The following RHCE variants were observed in gnomAD, a reference collection of about 807,000 sequenced individuals.
RHCE encodes Rh blood group CcEe antigens.
A neutral mutation model predicts 43.8 loss-of-function variants in RHCE; 22 were observed. The observed-to-expected ratio is 0.50, with a 90% CI of 0.36 to 0.72. RHCE has a LOEUF of 0.72. Ranked by LOEUF, RHCE falls within the 30% of genes least tolerant of loss-of-function variation. The pLI is 0.00. For missense variants in RHCE, 385 were observed against 525.4 expected (o/e 0.73, Z 2.61); for synonymous variants, 156 against 210.7 (o/e 0.74, Z 2.25).
chr1:25,399,379 A>G (rs1646658480), intron 3 of RHCE, among the ~76,000 whole-genome samples: 1 of 152,136 alleles, frequency 6.6e-6, no homozygotes, highest in Admixed American at 6.6e-5. Flanking sequence ...GAGAGGAATT[A>G]TATTTAAGTT....
chr1:25,412,939 G>A (rs538448766), intron 1 of RHCE, among the ~76,000 whole-genome samples: 119 of 152,060 alleles, frequency 7.8e-4, no homozygotes, highest in African/African-American at 2.8e-3. Flanking sequence ...CAGGAGAATC[G>A]CTTGAACCCA....
intron 8 of RHCE, among the ~76,000 whole-genome samples, chr1:25,371,056 G>A (rs1225632551): frequency 3.4e-5 from 5 of 148,720 alleles, no homozygotes; most frequent in East Asian, 2.0e-4. Context: ...ACACCCGGCC[G>A]ATTCTGTAAA....
At chr1:25,415,216 C>A (rs1252910126) in intron 1 of RHCE, among the ~76,000 whole-genome samples, 3 of 152,168 alleles carry the variant, frequency 2.0e-5, no homozygotes, top group Non-Finnish European at 4.4e-5. Flanking sequence ...CCCTGCCCAT[C>A]TGGTCTCATC....
At chr1:25,401,927 A>C (rs1336008831) in intron 3 of RHCE, among the ~76,000 whole-genome samples, 1 of 151,696 alleles carries the variant, frequency 6.6e-6, no homozygotes, top group Non-Finnish European at 1.5e-5. Flanking sequence ...CCCAGGCTGC[A>C]GTGCAATGGC....
At chr1:25,411,714 T>C (rs1176057681) in intron 1 of RHCE, among the ~76,000 whole-genome samples, 1 of 152,096 alleles carries the variant, frequency 6.6e-6, no homozygotes, top group African/African-American at 2.4e-5. Flanking sequence ...CCAGGGGACA[T>C]TTTCTACAGG....
At position 25,420,665 on chromosome 1, in the gene RHCE, T is replaced by C. The variant is rs138268848; in HGVS notation, c.122A>G (p.Gln41Arg). The C allele has an allele frequency of 0.011, 17,600 of 1,613,802 alleles. 149 individuals are homozygous for C. The highest frequency in any genetic ancestry group is 0.012 in the Non-Finnish European group (14,166 of 1,179,828). ...FTHYDASLED[Q>R]KGLVASYQVG... ...TTGATAGGATGCCACGAGCCCCTTT[T>C]GATCCTCTAAGGAAGCGTCATAGTG... The change falls in exon 1 of 10, where the codon CAA (glutamine) becomes CGA (arginine). Residue 41 changes from glutamine to arginine, a missense_variant. Physicochemically the swap from Gln to Arg is conservative, Grantham distance 43 (BLOSUM62 1). Coordinates refer to ENST00000294413, the MANE Select transcript of RHCE (RefSeq NM_020485.8).
At chr1:25,393,996 T>G (rs1646462506) in intron 3 of RHCE, among the ~76,000 whole-genome samples, 1 of 152,122 alleles carries the variant, frequency 6.6e-6, no homozygotes, top group African/African-American at 2.4e-5. Context: ...ATTTATTTAT[T>G]TATTTATTTT....
intron 3 of RHCE, among the ~76,000 whole-genome samples, chr1:25,394,663 A>G (rs669063): frequency 0.44 from 66,323 of 152,044 alleles, 15,773 homozygotes; most frequent in Non-Finnish European, 0.54. Flanking sequence ...AGTGCCTGGT[A>G]TATAGTAAAT....
At chr1:25,425,956 G>A (rs915472890) in intron 2 of RHCE, among the ~76,000 whole-genome samples, 3 of 152,218 alleles carry the variant, frequency 2.0e-5, no homozygotes, top group African/African-American at 7.2e-5. Flanking sequence ...TTGGAGTTAG[G>A]CAACCTGGTT....
chr1:25,427,381 T>TC (rs775667348), intron 2 of RHCE, among the ~76,000 whole-genome samples: 3 of 152,222 alleles, frequency 2.0e-5, no homozygotes, highest in Non-Finnish European at 4.4e-5. Flanking sequence ...GCAAATTACT[T>TC]CCCTTCCTTG....
At chr1:25,385,614 C>G in intron 7 of RHCE, 97 bp downstream of exon 7, 1 of 1,554,970 alleles carries the variant, frequency 6.4e-7, no homozygotes, top group East Asian at 2.2e-5. Context: ...GAGCACCTGG[C>G]CCCGAGTGCA....
upstream of RHCE, among the ~76,000 whole-genome samples, chr1:25,425,171 A>G (rs542440705): frequency 2.5e-4 from 38 of 152,340 alleles, no homozygotes; most frequent in African/African-American, 8.2e-4. Flanking sequence ...ACATAAAGAC[A>G]GGGACTTTTG....
intron 3 of RHCE, among the ~76,000 whole-genome samples, chr1:25,401,634 T>C (rs1412330960): frequency 3.3e-5 from 5 of 152,230 alleles, no homozygotes; most frequent in African/African-American, 1.2e-4. Flanking sequence ...CATGTGCAGT[T>C]ACTGACACGC....
intron 1 of RHCE, among the ~76,000 whole-genome samples, chr1:25,429,766 T>C (rs1207866352): frequency 2.6e-5 from 4 of 152,136 alleles, no homozygotes; most frequent in Non-Finnish European, 5.9e-5. Context: ...GACTCATTGG[T>C]GTTTTTTCCT....
chr1:25,368,560 CT>C (rs1645500890), intron 9 of RHCE, among the ~76,000 whole-genome samples: 1 of 150,632 alleles, frequency 6.6e-6, no homozygotes, highest in Non-Finnish European at 1.5e-5. Flanking sequence ...TGTTTTACTT[CT>C]GTAAGATTGC....
At position 25,385,902 on chromosome 1, in the gene RHCE, C is replaced by T. The variant is rs867798582; in HGVS notation, c.940-58G>A. On this transcript the variant is annotated intron_variant, in intron 6 of 9. Coordinates refer to ENST00000294413, the MANE Select transcript of RHCE (RefSeq NM_020485.8). ...AGGTGAGACCCATATTCCCTACCCA[C>T]CCCTTTCACACACCCTTGGTATCCG... The T allele has an allele frequency of 3.9e-5, 63 of 1,613,188 alleles. No homozygotes were observed. The Middle Eastern group carries it at 1.8e-3, about 46-fold the overall frequency.
chr1:25,429,226 T>TTG (rs1232313128), intron 1 of RHCE, among the ~76,000 whole-genome samples: 67 of 145,726 alleles, frequency 4.6e-4, no homozygotes, highest in African/African-American at 1.7e-3. Flanking sequence ...GGGAAGTTTT[T>TTG]TTTTTTTTTT....
chr1:25,411,058 C>T (rs1271938846), intron 1 of RHCE, among the ~76,000 whole-genome samples: 1 of 151,916 alleles, frequency 6.6e-6, no homozygotes, highest in Non-Finnish European at 1.5e-5. Flanking sequence ...CACCACTGCA[C>T]TCCAGCCTGG....
intron 1 of RHCE, chr1:25,429,841 TAAA>T (rs899047930): frequency 6.6e-6 from 1 of 151,140 alleles, no homozygotes; most frequent in Non-Finnish European, 1.5e-5. Flanking sequence ...TTATTTCTCT[TAAA>T]AAAAAACACC....
Sources: gnomAD v4.1 joint callset for allele counts (sites outside exome capture counted in the v4.1 genomes callset) on GRCh38, gnomAD v4.1.1 for gene constraint, MANE v1.5 for transcripts, NCBI Gene and HGNC (gene_info 2026-07-23, HGNC 2026-07-21) for gene names.